Variants in ATRNL1 observed in about 807,000 individuals in gnomAD.
ATRNL1 encodes the protein attractin-like protein 1.
ATRNL1 carries 95 observed loss-of-function variants against 182.7 expected under a neutral mutation model. That is an observed-to-expected ratio of 0.52 (90% CI 0.44 to 0.62). ATRNL1 has a LOEUF of 0.62. Ranked by LOEUF, ATRNL1 falls within the 20% of genes least tolerant of loss-of-function variation. The pLI is 0.00. For missense variants in ATRNL1, 1,471 were observed against 1,679.5 expected (o/e 0.88, Z 2.17); for synonymous variants, 576 against 568.3 (o/e 1.01, Z -0.19).
Position 115,606,346 on chromosome 10 carries a change from A to G in ATRNL1, c.3795+56810A>G, listed in dbSNP as rs78924593. On this transcript the variant is annotated intron_variant, in intron 26 of 28. Transcript: ENST00000355044. ...AGCTGCATGCTGAATTTATTGCTACATTGAAAATATATCCCTTCTTGTTCA... is the reference window on the plus strand; with the variant it reads ...AGCTGCATGCTGAATTTATTGCTACGTTGAAAATATATCCCTTCTTGTTCA... Among the ~76,000 whole-genome samples the G allele has an allele frequency of 1.2e-4, 19 of 152,180 alleles. No homozygotes were observed. In the East Asian group the frequency reaches 3.7e-3, roughly 29 times the overall value.
intron 27 of ATRNL1, among the ~76,000 whole-genome samples, chr10:115,833,733 A>C (rs1555094504): frequency 6.6e-6 from 1 of 152,202 alleles, no homozygotes; most frequent in Admixed American, 6.5e-5. Context: ...ATGCCCAAGT[A>C]AGCGGCAGTT....
intron 20 of ATRNL1, among the ~76,000 whole-genome samples, chr10:115,413,567 A>G (rs558602416): frequency 6.6e-6 from 1 of 152,110 alleles, no homozygotes; most frequent in African/African-American, 2.4e-5. Flanking sequence ...TTTTTTCCCA[A>G]TGATTTATAA....
intron 27 of ATRNL1, among the ~76,000 whole-genome samples, chr10:115,814,115 C>A (rs1555087825): frequency 6.6e-6 from 1 of 152,030 alleles, no homozygotes; most frequent in African/African-American, 2.4e-5. Flanking sequence ...CCAGCTCACT[C>A]CCTGACATCA....
At chr10:115,266,762 G>T in intron 11 of ATRNL1, 35 bp from the exon 12 acceptor site, 1 of 1,298,500 alleles carries the variant, frequency 7.7e-7, no homozygotes, top group Non-Finnish European at 1.1e-6. Context: ...ACTTTTAATA[G>T]CGTTTCTTTA....
At chr10:115,528,084 T>TGGG (rs1554987196) in intron 25 of ATRNL1, among the ~76,000 whole-genome samples, 1 of 146,796 alleles carries the variant, frequency 6.8e-6, no homozygotes, top group African/African-American at 2.5e-5. Flanking sequence ...CCCTTCTCAT[T>TGGG]TCTAAAAATA....
intron 20 of ATRNL1, among the ~76,000 whole-genome samples, chr10:115,400,698 C>T (rs1844522820): frequency 6.6e-6 from 1 of 152,058 alleles, no homozygotes; most frequent in Non-Finnish European, 1.5e-5. Context: ...TTATGTAATG[C>T]TGTTCTTTGC....
At chr10:115,839,400 G>A (rs2134333287) in intron 27 of ATRNL1, among the ~76,000 whole-genome samples, 1 of 152,240 alleles carries the variant, frequency 6.6e-6, no homozygotes, top group East Asian at 1.9e-4. Flanking sequence ...GATGTGAAGG[G>A]CTAACGGGGG....
intron 5 of ATRNL1, among the ~76,000 whole-genome samples, chr10:115,141,656 AG>A (rs1845757440): frequency 1.3e-5 from 2 of 152,288 alleles, no homozygotes; most frequent in Admixed American, 1.3e-4. Flanking sequence ...ATGAGATTAT[AG>A]GTTGCCTTGT....
At chr10:115,459,999 T>C (rs992348907) in intron 21 of ATRNL1, among the ~76,000 whole-genome samples, 28 of 152,320 alleles carry the variant, frequency 1.8e-4, no homozygotes, top group African/African-American at 6.7e-4. Context: ...TTGTCCAAGG[T>C]GATCACTACT....
At chr10:115,527,744 C>A (rs1421707318) in intron 25 of ATRNL1, among the ~76,000 whole-genome samples, 2 of 151,940 alleles carry the variant, frequency 1.3e-5, no homozygotes, top group Non-Finnish European at 2.9e-5. Flanking sequence ...TTGTGCCTAC[C>A]CTTTTATTGA....
At chr10:115,383,997 A>G (rs1270861989) in intron 19 of ATRNL1, among the ~76,000 whole-genome samples, 1 of 152,040 alleles carries the variant, frequency 6.6e-6, no homozygotes, top group African/African-American at 2.4e-5. Flanking sequence ...TATTTAAAAT[A>G]TATTATTTTG....
chr10:115,210,472 A>T (rs1848978161), intron 8 of ATRNL1, among the ~76,000 whole-genome samples: 1 of 151,830 alleles, frequency 6.6e-6, no homozygotes, highest in African/African-American at 2.4e-5. Flanking sequence ...CTTTAACCAC[A>T]CATACCTCCT....
chr10:115,808,984 C>G (rs1184367783), intron 27 of ATRNL1, among the ~76,000 whole-genome samples: 1 of 151,800 alleles, frequency 6.6e-6, no homozygotes, highest in Admixed American at 6.6e-5. Context: ...ATATTTAGGT[C>G]TGTATTGTAT....
intron 27 of ATRNL1, among the ~76,000 whole-genome samples, chr10:115,838,792 T>A (rs1950738292): frequency 8.7e-6 from 1 of 114,914 alleles, no homozygotes; most frequent in African/African-American, 2.6e-5. Context: ...AATTTCGCAG[T>A]ATTTTTTTTA....
chr10:115,631,585 T>A (rs1484898763), intron 26 of ATRNL1, among the ~76,000 whole-genome samples: 6 of 152,110 alleles, frequency 3.9e-5, no homozygotes, highest in Admixed American at 3.9e-4. Flanking sequence ...ATGCTGTAAC[T>A]CAACAGTAAC....
chr10:115,568,752 A>T (rs1592865939), intron 26 of ATRNL1, among the ~76,000 whole-genome samples: 3 of 151,950 alleles, frequency 2.0e-5, no homozygotes, highest in Admixed American at 2.0e-4. Context: ...TATTAACATA[A>T]TTCAAATTTA....
intron 27 of ATRNL1, among the ~76,000 whole-genome samples, chr10:115,846,375 A>G (rs1950928174): frequency 1.3e-5 from 2 of 152,234 alleles, no homozygotes; most frequent in South Asian, 2.1e-4. Context: ...GGCATATTTT[A>G]TCTTTAATGC....
intron 8 of ATRNL1, among the ~76,000 whole-genome samples, chr10:115,178,030 C>T (rs1301937865): frequency 6.7e-6 from 1 of 150,102 alleles, no homozygotes; most frequent in African/African-American, 2.5e-5. Flanking sequence ...GTGATCCTCC[C>T]ACCTCAGCCT....
chr10:115,684,758 T>C (rs1181333242), intron 26 of ATRNL1, among the ~76,000 whole-genome samples: 2 of 151,596 alleles, frequency 1.3e-5, no homozygotes, highest in Admixed American at 1.3e-4. Context: ...GTAAATTCAA[T>C]CAGATAATTC....
Sources: gnomAD v4.1 joint callset for allele counts (sites outside exome capture counted in the v4.1 genomes callset) on GRCh38, gnomAD v4.1.1 for gene constraint, MANE v1.5 for transcripts, NCBI Gene and HGNC (gene_info 2026-07-23, HGNC 2026-07-21) for gene names.